Variants in NAALAD2 observed in about 807,000 individuals in gnomAD.
The protein encoded by NAALAD2 is N-acetylated-alpha-linked acidic dipeptidase 2.
NAALAD2 carries 89 observed loss-of-function variants against 95.6 expected under a neutral mutation model. That is an observed-to-expected ratio of 0.93 (90% confidence interval 0.78 to 1.11). NAALAD2 has a LOEUF of 1.11. NAALAD2 is among the 50% of genes least tolerant of loss of function. The pLI, the probability that NAALAD2 is intolerant of heterozygous loss-of-function variation, is 0.00. For synonymous variants in NAALAD2, 264 were observed against 294.4 expected, an observed-to-expected ratio of 0.90 and a Z score of 1.06; for missense variants, 894 against 872.4, an observed-to-expected ratio of 1.02 and a Z score of -0.31.
At chr11:90,187,649 A>T (rs1404293599) in intron 18 of NAALAD2, among the ~76,000 whole-genome samples, 1 of 152,222 alleles carries the variant, frequency 6.6e-6, no homozygotes, top group Non-Finnish European at 1.5e-5. Flanking sequence ...CCAGCAATGT[A>T]TATCAGGTTA....
intron 8 of NAALAD2, among the ~76,000 whole-genome samples, chr11:90,160,830 TTC>T (rs1468033485): frequency 2.6e-5 from 4 of 152,180 alleles, no homozygotes; most frequent in African/African-American, 9.6e-5. Context: ...GAGCATAGAA[TTC>T]TCTATTGGTT....
chr11:90,191,826 C>G lies in NAALAD2; in HGVS notation c.*79C>G. Reference sequence around the variant, plus strand: ...TTCACCTTTCTGATAACTTATGAAGCCAGGGTGTTCTAAACTCTTTTCATG... The same window carrying G: ...TTCACCTTTCTGATAACTTATGAAGGCAGGGTGTTCTAAACTCTTTTCATG... On this transcript the variant is annotated 3_prime_UTR_variant, in exon 19 of 19. Coordinates refer to ENST00000534061, the MANE Select transcript of NAALAD2 (RefSeq NM_005467.4). 1 of 1,150,098 alleles carries G rather than the reference C, an allele frequency of 8.7e-7. No homozygotes were observed. The highest frequency in any genetic ancestry group is 2.3e-5 in the South Asian group (1 of 42,894). The allele number at this position is 1,150,098 out of a possible 1,614,324, so 71.2% of individuals were successfully genotyped here.
intron 6 of NAALAD2, among the ~76,000 whole-genome samples, chr11:90,156,918 T>A (rs1952133303): frequency 1.3e-5 from 2 of 152,202 alleles, no homozygotes; most frequent in African/African-American, 4.8e-5. Flanking sequence ...TTGAGGATGT[T>A]CTAGGTATCT....
intron 2 of NAALAD2, among the ~76,000 whole-genome samples, chr11:90,145,863 G>C (rs1951739680): frequency 1.3e-5 from 2 of 152,162 alleles, no homozygotes; most frequent in Admixed American, 6.5e-5. Context: ...ATTTATAAGA[G>C]AGTGATGTGG....
In NAALAD2 at chr11:90,152,294, G is replaced by A; in HGVS notation, c.610-4G>A. ...GCATTATGAATTGCACATTGCCCCT[G>A]CAGGTTAAAAATGCCATGTTAGCAG... On this transcript the variant is annotated splice_polypyrimidine_tract_variant and splice_region_variant and intron_variant, in intron 5 of 18. Coordinates refer to ENST00000534061, the MANE Select transcript of NAALAD2 (RefSeq NM_005467.4). 1.3e-6 allele frequency: 2 copies of A among 1,584,738 alleles called. No homozygotes were observed. The highest frequency in any genetic ancestry group is 1.7e-6 in the Non-Finnish European group (2 of 1,158,144).
chr11:90,132,382 TC>T (rs1167602914), upstream of NAALAD2, among the ~76,000 whole-genome samples: 2 of 152,330 alleles, frequency 1.3e-5, no homozygotes, highest in East Asian at 3.9e-4. Flanking sequence ...GCAACTTTAT[TC>T]ATTAGTTTCT....
intron 3 of NAALAD2, among the ~76,000 whole-genome samples, chr11:90,148,646 G>C (rs1951810447): frequency 6.6e-6 from 1 of 151,956 alleles, no homozygotes; most frequent in Admixed American, 6.6e-5. Flanking sequence ...AATGGGCTGG[G>C]GATAAAACAT....
intron 16 of NAALAD2, among the ~76,000 whole-genome samples, chr11:90,180,903 G>A (rs969862002): frequency 6.6e-6 from 1 of 152,034 alleles, no homozygotes; most frequent in Non-Finnish European, 1.5e-5. Flanking sequence ...TTATATATAG[G>A]CATTGTATTA....
chr11:90,141,439 T>A (rs1321603858), intron 2 of NAALAD2, among the ~76,000 whole-genome samples: 4 of 152,228 alleles, frequency 2.6e-5, no homozygotes, highest in Non-Finnish European at 5.9e-5. Flanking sequence ...TTTACATGCT[T>A]TGTTAGATTT....
Position 90,155,570 on chromosome 11 carries a change from A to T in NAALAD2, c.797-2575A>T, listed in dbSNP as rs1434643161. ...TGATATATAATGTGTAATATATAAT[A>T]TATAATATATATGTAATATATATGT... On this transcript the variant is annotated intron_variant, in intron 6 of 18. Coordinates refer to ENST00000534061, the MANE Select transcript of NAALAD2 (RefSeq NM_005467.4). 6.2e-5 allele frequency among the ~76,000 whole-genome samples: 5 copies of T among 80,104 alleles called. No individual in the cohort carries two copies. The Admixed American group carries it at 7.4e-4, about 12-fold the overall frequency. 52.6% of individuals were successfully genotyped at this position (80,104 alleles called of 152,430 possible). A position where few individuals can be genotyped will look rare whatever the true frequency, so the allele number is the denominator to read the frequency against.
intron 2 of NAALAD2, among the ~76,000 whole-genome samples, chr11:90,141,594 T>TTTTG (rs59701082): frequency 0.72 from 109,206 of 151,126 alleles, 39,795 homozygotes; most frequent in African/African-American, 0.81. Flanking sequence ...TCTAAGAAGG[T>TTTTG]TTTGTTTGTT....
chr11:90,167,112 C>T (rs1285373160), intron 11 of NAALAD2, among the ~76,000 whole-genome samples: 5 of 152,342 alleles, frequency 3.3e-5, no homozygotes, highest in South Asian at 2.1e-4. Context: ...CCCTTCAGCC[C>T]GCCGCTGCAC....
At chr11:90,147,605 G>T in intron 3 of NAALAD2, 89 bp downstream of exon 3, 1 of 1,209,980 alleles carries the variant, frequency 8.3e-7, no homozygotes. Context: ...GTAGAAATTT[G>T]TTAATAGTGA....
chr11:90,178,195 A>T (rs1952860050), intron 16 of NAALAD2, 78 bp downstream of exon 16: 11 of 1,412,724 alleles, frequency 7.8e-6, no homozygotes, highest in Non-Finnish European at 9.6e-6. Flanking sequence ...TGATCAATGC[A>T]TATTGTTTCA....
chr11:90,188,296 T>C (rs866261095), intron 18 of NAALAD2, among the ~76,000 whole-genome samples: 11 of 152,192 alleles, frequency 7.2e-5, no homozygotes, highest in Non-Finnish European at 8.8e-5. Context: ...TCAGAAAACA[T>C]TGTACATATT....
intron 18 of NAALAD2, among the ~76,000 whole-genome samples, chr11:90,185,365 T>C (rs978213662): frequency 5.9e-5 from 9 of 152,102 alleles, no homozygotes; most frequent in Non-Finnish European, 8.8e-5. Context: ...ACAATTTTAT[T>C]TTTTTCCTTA....
rs1228804336 is a variant in NAALAD2 at position 90,135,671 on chromosome 11, G to T, written c.194+1G>T. ...CTGAAAACATCAAATCATTTCTTCG[G>T]TAAGTTTATTTTACGTATTTGATCT... On this transcript the variant is annotated splice_donor_variant, in intron 2 of 18. Transcript: ENST00000534061. LOFTEE classifies it high-confidence loss of function. The T allele has an allele frequency of 6.8e-6, 11 of 1,606,350 alleles. No individual in the cohort carries two copies. The highest frequency in any genetic ancestry group is 9.4e-6 in the Non-Finnish European group (11 of 1,174,600).
At chr11:90,165,941 C>G (rs1952429092) in intron 11 of NAALAD2, among the ~76,000 whole-genome samples, 1 of 152,078 alleles carries the variant, frequency 6.6e-6, no homozygotes, top group African/African-American at 2.4e-5. Flanking sequence ...CATTAAAAGG[C>G]AATTTCAATA....
intron 5 of NAALAD2, among the ~76,000 whole-genome samples, chr11:90,151,068 T>A (rs529545020): frequency 6.6e-6 from 1 of 152,262 alleles, no homozygotes; most frequent in East Asian, 1.9e-4. Flanking sequence ...ATATTCTTCA[T>A]GTCCACATGT....
Sources: gnomAD v4.1 joint callset for allele counts (sites outside exome capture counted in the v4.1 genomes callset) on GRCh38, gnomAD v4.1.1 for gene constraint, MANE v1.5 for transcripts, NCBI Gene and HGNC (gene_info 2026-07-23, HGNC 2026-07-21) for gene names.